PLIN1: variants seen among roughly 807,000 people sequenced by gnomAD.
The protein encoded by PLIN1 is perilipin-1.
In PLIN1, 37 loss-of-function variants were observed where a neutral mutation model predicts 45.8. The ratio of observed to expected loss-of-function variants is 0.81; its 90% CI spans 0.62 to 1.06. The LOEUF is 1.06. Among genes scored for constraint, PLIN1 ranks in the 50% least tolerant of loss-of-function variants. The probability of loss-of-function intolerance (pLI) is 0.00; values close to 1 mark genes in which losing one functional copy is unlikely to be tolerated. For synonymous variants in PLIN1, 340 were observed against 309.2 expected (o/e 1.10, Z -1.05); for missense variants, 776 against 716.5 (o/e 1.08, Z -0.95).
At chr15:89,674,994 T>C (rs1056188155) in intron 2 of PLIN1, among the ~76,000 whole-genome samples, 1 of 152,160 alleles carries the variant, frequency 6.6e-6, no homozygotes, top group African/African-American at 2.4e-5. Flanking sequence ...TGTGTGCCTG[T>C]GGTCCCGGCT....
chr15:89,671,653 C>T, intron 3 of PLIN1, 89 bp from the exon 4 acceptor site: 1 of 965,232 alleles, frequency 1.0e-6, no homozygotes, highest in Non-Finnish European at 1.6e-6. Flanking sequence ...TGACTTGGAG[C>T]CCTCAAATCC....
chr15:89,667,600 A>C lies in PLIN1; in HGVS notation c.963+2T>G, dbSNP rs1220235704. 6.2e-7 allele frequency: 1 copy of C among 1,613,784 alleles called. No homozygotes were observed. Among genetic ancestry groups the C allele is most frequent in the Non-Finnish European group, 8.5e-7 (1 of 1,179,928 alleles). On this transcript the variant is annotated splice_donor_variant, in intron 7 of 8. Coordinates refer to ENST00000300055, the MANE Select transcript of PLIN1 (RefSeq NM_002666.5). LOFTEE classifies it high-confidence loss of function. Reference sequence around the variant, plus strand: ...CCTTGAGGCTCCCACTCTCCCCCTCACCTCACTGAACTTGTTCTCCTCAGT... The same window carrying C: ...CCTTGAGGCTCCCACTCTCCCCCTCCCCTCACTGAACTTGTTCTCCTCAGT...
Position 89,667,035 on chromosome 15 carries a change from G to T in PLIN1, c.1110C>A (p.Ala370=). The change falls in exon 8 of 9, where the codon GCC becomes GCA. Residue 370 remains alanine, a synonymous_variant. Transcript: ENST00000300055. The stretch of plus-strand genomic sequence containing the variant: ...TCCCCTTGGTTGAGGAGACAGCAGG[G>T]GCTGGTGTGAGGTGCAGCACCCTCC... ...MAGRVLHLTP[A]PAVSSTKGRA... is the part of the protein sequence containing the mutation. 1 of 1,614,118 alleles carries T rather than the reference G, an allele frequency of 6.2e-7. No individual in the cohort carries two copies. The highest frequency in any genetic ancestry group is 8.5e-7 in the Non-Finnish European group (1 of 1,179,980).
At chr15:89,677,600 T>A in intron 1 of PLIN1, 97 bp from the exon 2 acceptor site, 1 of 1,000,486 alleles carries the variant, frequency 1.0e-6, no homozygotes, top group Non-Finnish European at 1.6e-6. Context: ...AGGCCCAGGC[T>A]GCCTGGGGGC....
At position 89,666,951 on chromosome 15, in the gene PLIN1, C is replaced by G. The variant is rs759124065; in HGVS notation, c.1194G>C (p.Val398=). 2 of 1,614,036 alleles carry G rather than the reference C, an allele frequency of 1.2e-6. No individual in the cohort carries two copies. Among genetic ancestry groups the G allele is most frequent in the East Asian group, 4.5e-5 (2 of 44,876 alleles). ...TGGTACTCACCGGCACGTAATGCAC[C>G]ACTGTGTCCACCACGTTGTCAGTAA... ...KGVTDNVVDT[V]VHYVPLPRLS... The change falls in exon 8 of 9, where the codon GTG becomes GTC. Residue 398 remains valine (V), a synonymous_variant. Coordinates refer to ENST00000300055, the MANE Select transcript of PLIN1 (RefSeq NM_002666.5).
rs1432165382 is a variant in PLIN1, at chr15:89,665,333, T to C, written c.*250A>G. On this transcript the variant is annotated 3_prime_UTR_variant, in exon 9 of 9. Transcript: ENST00000300055. ...TACTCTTATAGTAACAACCAAGCCA[T>C]AGAATCAGAGCAGGCTGCGGCTCTG... 2.9e-6 allele frequency: 1 copy of C among 339,248 alleles called. No individual in the cohort carries two copies. The allele number at this position is 339,248 out of a possible 1,614,324, so 21.0% of individuals were successfully genotyped here. A position where few individuals can be genotyped will look rare whatever the true frequency, so the allele number is the denominator to read the frequency against.
rs751041855 is a variant in PLIN1, at chr15:89,671,502, G to A, written c.313C>T (p.Leu105Phe). The A allele has an allele frequency of 5.7e-5, 89 of 1,573,652 alleles. No individual in the cohort carries two copies. Among genetic ancestry groups the A allele is most frequent in the Non-Finnish European group, 7.2e-5 (84 of 1,159,020 alleles). The change falls in exon 4 of 9, where the codon CTC (leucine) becomes TTC (phenylalanine). Residue 105 changes from leucine (L) to phenylalanine (F), a missense_variant. By Grantham distance (22) the Leu-to-Phe change is conservative. Coordinates refer to ENST00000300055, the MANE Select transcript of PLIN1 (RefSeq NM_002666.5). The stretch of plus-strand genomic sequence containing the variant: ...CTCACCTTTTCAGGGGGGTACTGGA[G>A]GGCGGGGATCTTTTCCTCCAGGTGG... ...LDHLEEKIPALQYPPEKIASE... is the reference protein window; with the variant it reads ...LDHLEEKIPAFQYPPEKIASE...
At chr15:89,673,522 C>A in intron 2 of PLIN1, 108 bp from the exon 3 acceptor site, 1 of 882,556 alleles carries the variant, frequency 1.1e-6, no homozygotes, top group Non-Finnish European at 1.8e-6. Context: ...TGAGTCCAAG[C>A]GACCTGGGAG....
intron 4 of PLIN1, 118 bp downstream of exon 4, chr15:89,671,364 G>A: frequency 2.7e-6 from 2 of 741,458 alleles, no homozygotes; most frequent in East Asian, 2.7e-5. Context: ...CAGCCTTGGA[G>A]GGTGCTCACC....
chr15:89,670,076 G>C lies in PLIN1; in HGVS notation c.502C>G (p.Arg168Gly), dbSNP rs750212275. ...CCTCCAGAAGCCAGTCGGCCAGCTC[G>C]AGTGTTGGCAGCAAATTCCGCAGTG... is the stretch of plus-strand genomic sequence containing the variant. Reference protein sequence around the residue: ...RDTAEFAANTRAGRLASGGAD... With the variant: ...RDTAEFAANTGAGRLASGGAD... The change falls in exon 5 of 9, where the codon CGA (arginine) becomes GGA (glycine). Residue 168 changes from arginine to glycine, a missense_variant. Arg to Gly is a moderately radical substitution (Grantham distance 125, BLOSUM62 -2). Transcript: ENST00000300055. 6.2e-7 allele frequency: 1 copy of C among 1,614,150 alleles called. No homozygotes were observed. Among genetic ancestry groups the C allele is most frequent in the Non-Finnish European group, 8.5e-7 (1 of 1,180,014 alleles).
chr15:89,666,824 C>T, intron 8 of PLIN1, 112 bp downstream of exon 8: 3 of 1,276,900 alleles, frequency 2.3e-6, no homozygotes, highest in Non-Finnish European at 1.1e-6. Flanking sequence ...GGGGCGGTCT[C>T]CAGAGGAGTA....
intron 2 of PLIN1, 44 bp downstream of exon 2, chr15:89,677,401 C>T: frequency 6.6e-7 from 1 of 1,508,100 alleles, no homozygotes; most frequent in Non-Finnish European, 9.2e-7. Context: ...TTCCTCCTCC[C>T]TCAGTTGTCC....
chr15:89,669,438 G>A, intron 6 of PLIN1, 62 bp downstream of exon 6: 1 of 1,346,740 alleles, frequency 7.4e-7, no homozygotes, highest in Non-Finnish European at 1.1e-6. Context: ...GGATGGGAGG[G>A]ACTAGGAGGC....
Position 89,674,010 on chromosome 15 carries a change from G to A in PLIN1, c.46-596C>T, listed in dbSNP as rs113256815. On this transcript the variant is annotated intron_variant, in intron 2 of 8. Coordinates refer to ENST00000300055, the MANE Select transcript of PLIN1 (RefSeq NM_002666.5). ...TCCCTCCCTGGCTCTCTCCACATTC[G>A]TCACACCGTGCTGTGGTTATGTGTG... Among the ~76,000 whole-genome samples, 10 of 152,158 alleles carry A rather than the reference G, an allele frequency of 6.6e-5. No individual in the cohort carries two copies. The South Asian group carries it at 1.5e-3, about 22-fold the overall frequency.
At position 89,664,918 on chromosome 15, in the gene PLIN1, G is replaced by A. The variant is rs1048457207; in HGVS notation, c.*665C>T. 8.6e-5 allele frequency: 39 copies of A among 455,960 alleles called. No homozygotes were observed. Among genetic ancestry groups the A allele is most frequent in the Non-Finnish European group, 7.9e-5 (18 of 226,800 alleles). The allele number at this position is 455,960 out of a possible 1,614,324, so 28.2% of individuals were successfully genotyped here. A position where few individuals can be genotyped will look rare whatever the true frequency, so the allele number is the denominator to read the frequency against. ...AGGTGAAGGCAGTAATGATGCAAAT[G>A]GAAATGTGGCTGTGAGCAAGCAGCT... On this transcript the variant is annotated 3_prime_UTR_variant, in exon 9 of 9. Coordinates refer to ENST00000300055, the MANE Select transcript of PLIN1 (RefSeq NM_002666.5).
chr15:89,667,704 G>A lies in PLIN1; in HGVS notation c.861C>T (p.Leu287=), dbSNP rs200436784. 149 of 1,586,940 alleles carry A rather than the reference G, an allele frequency of 9.4e-5. No homozygotes were observed. Among genetic ancestry groups the A allele is most frequent in the African/African-American group, 2.3e-4 (17 of 74,530 alleles). ...SEVRVPWLHS[L]AAAQEEDHED... The stretch of plus-strand genomic sequence containing the variant: ...CATGATCCTCCTCCTGGGCGGCTGC[G>A]AGGCTGTGCAGCCAGGGTACCCGCA... Residue 287 remains leucine (L), a synonymous_variant, in exon 7 of 9, where the codon CTC becomes CTT. Transcript: ENST00000300055.
intron 2 of PLIN1, among the ~76,000 whole-genome samples, chr15:89,676,148 C>T (rs912929258): frequency 7.9e-5 from 12 of 152,112 alleles, no homozygotes; most frequent in African/African-American, 2.2e-4. Flanking sequence ...AAGACCTGAC[C>T]TGTTCTGTTA....
At chr15:89,666,891 C>T in intron 8 of PLIN1, 45 bp downstream of exon 8, 1 of 1,610,502 alleles carries the variant, frequency 6.2e-7, no homozygotes, top group Non-Finnish European at 8.5e-7. Context: ...CTGCCATGTC[C>T]AGGCCCCCTT....
At chr15:89,672,470 G>A (rs916551261) in intron 3 of PLIN1, among the ~76,000 whole-genome samples, 1 of 152,240 alleles carries the variant, frequency 6.6e-6, no homozygotes, top group Non-Finnish European at 1.5e-5. Flanking sequence ...TAAGGAGATT[G>A]TAGCCAGGGA....
Sources: gnomAD v4.1 joint callset for allele counts (sites outside exome capture counted in the v4.1 genomes callset) on GRCh38, gnomAD v4.1.1 for gene constraint, MANE v1.5 for transcripts, NCBI Gene and HGNC (gene_info 2026-07-23, HGNC 2026-07-21) for gene names.